Variants in PKMYT1 observed in about 807,000 individuals in gnomAD.
The protein encoded by PKMYT1 is protein kinase, membrane associated tyrosine/threonine 1.
A neutral mutation model predicts 49.7 loss-of-function variants in PKMYT1; 35 were observed. The ratio of observed to expected loss-of-function variants is 0.70; its 90% confidence interval spans 0.54 to 0.93. The LOEUF (loss-of-function observed/expected upper bound fraction) is 0.93, where lower values mean the gene tolerates loss of function less well. PKMYT1 is among the 40% of genes least tolerant of loss of function. The pLI is 0.00. For synonymous variants in PKMYT1, 331 were observed against 287.6 expected (o/e 1.15, Z -1.53); for missense variants, 677 against 673.1 (o/e 1.01, Z -0.06).
chr16:2,975,944 C>G, intron 3 of PKMYT1, 132 bp from the exon 4 acceptor site: 1 of 934,518 alleles, frequency 1.1e-6, no homozygotes, highest in Non-Finnish European at 1.6e-6. Flanking sequence ...GCATCTGTCT[C>G]AGACCCCTGC....
Position 2,973,940 on chromosome 16 carries a change from G to A in PKMYT1, c.1310+60C>T, listed in dbSNP as rs533106872. The A allele has an allele frequency of 1.7e-5, 27 of 1,553,322 alleles. No individual in the cohort carries two copies. In the African/African-American group the frequency reaches 3.2e-4, roughly 19 times the overall value. On this transcript the variant is annotated intron_variant, in intron 7 of 8. Coordinates refer to ENST00000262300, the MANE Select transcript of PKMYT1 (RefSeq NM_004203.5). ...TCCCCATTCACCACGAATCTCCATG[G>A]AGCCCCGGTGATATCCCCCACCTTC... is the stretch of plus-strand genomic sequence containing the variant.
At chr16:2,974,919 CCA>C (rs2072143116) in intron 4 of PKMYT1, 1 of 569,354 alleles carries the variant, frequency 1.8e-6, no homozygotes. Flanking sequence ...TGGACAGGCA[CCA>C]CAGTTACTGC....
intron 2 of PKMYT1, among the ~76,000 whole-genome samples, chr16:2,978,774 T>C (rs1348630399): frequency 1.0e-4 from 15 of 147,854 alleles, no homozygotes; most frequent in Non-Finnish European, 1.5e-5. Context: ...TTAATTGGAT[T>C]GGACCGTGGA....
intron 2 of PKMYT1, among the ~76,000 whole-genome samples, chr16:2,978,545 C>T (rs1041774514): frequency 6.6e-6 from 1 of 151,956 alleles, no homozygotes; most frequent in African/African-American, 2.4e-5. Context: ...GTGAGGAGTT[C>T]GAGTCCAGCC....
chr16:2,979,572 C>G, intron 2 of PKMYT1, 76 bp downstream of exon 2: 3 of 1,247,576 alleles, frequency 2.4e-6, no homozygotes, highest in Non-Finnish European at 3.5e-6. Context: ...CCTCCAGGCC[C>G]AACCCTGGCA....
chr16:2,975,534 A>T lies in PKMYT1; in HGVS notation c.657T>A (p.Leu219=), dbSNP rs1324237110. 6.2e-7 allele frequency: 1 copy of T among 1,612,222 alleles called. No homozygotes were observed. The highest frequency in any genetic ancestry group is 8.5e-7 in the Non-Finnish European group (1 of 1,179,872). ...QVWGYLRDTL[L]ALAHLHSQGL... ...CCTGGCTGTGCAGATGGGCCAGGGCAAGCAGCGTGTCCCGCAGGTAGCCCC... is the reference window on the plus strand; with the variant it reads ...CCTGGCTGTGCAGATGGGCCAGGGCTAGCAGCGTGTCCCGCAGGTAGCCCC... Residue 219 remains leucine (L), a synonymous_variant, in exon 4 of 9, where the codon CTT becomes CTA. Transcript: ENST00000262300.
chr16:2,974,269 C>T lies in PKMYT1; in HGVS notation c.1128G>A (p.Leu376=). Residue 376 remains leucine (L), a synonymous_variant, in exon 6 of 9, where the codon CTG becomes CTA. Transcript: ENST00000262300. ...CCTGCCACAGGGCCCACCCTCGGCT[C>T]AGGGCCTCCGCTGCCATGCACCACA... ...GVLWCMAAEA[L]SRGWALWQAL... The T allele has an allele frequency of 1.3e-6, 2 of 1,572,158 alleles. No homozygotes were observed. The highest frequency in any genetic ancestry group is 1.7e-6 in the Non-Finnish European group (2 of 1,159,382).
chr16:2,977,448 G>A lies in PKMYT1; in HGVS notation c.11-417C>T, dbSNP rs78559956. The A allele has an allele frequency of 6.3e-4, 630 of 1,001,528 alleles. 8 individuals are homozygous for A. In the East Asian group the frequency reaches 0.032, roughly 52 times the overall value. 62.0% of individuals were successfully genotyped at this position (1,001,528 alleles called of 1,614,324 possible). A position where few individuals can be genotyped will look rare whatever the true frequency, so the allele number is the denominator to read the frequency against. ...ATCTCCAATTCCAAAGTGAAAACCC[G>A]GAATCCCTCAAGTGTCTTTCTTTTT... On this transcript the variant is annotated intron_variant, in intron 2 of 8. Transcript: ENST00000262300.
chr16:2,979,177 A>G (rs2151081324), intron 2 of PKMYT1, among the ~76,000 whole-genome samples: 1 of 152,028 alleles, frequency 6.6e-6, no homozygotes, highest in South Asian at 2.1e-4. Flanking sequence ...TCTACTAAAG[A>G]TACAAATTTT....
At chr16:2,979,565 C>G (rs1281932436) in intron 2 of PKMYT1, 83 bp downstream of exon 2, 1 of 1,169,754 alleles carries the variant, frequency 8.5e-7, no homozygotes, top group Non-Finnish European at 1.3e-6. Flanking sequence ...AGCACAGCCT[C>G]CAGGCCCAAC....
At chr16:2,977,313 G>T in intron 2 of PKMYT1, 1 of 1,245,894 alleles carries the variant, frequency 8.0e-7, no homozygotes, top group Non-Finnish European at 1.0e-6. Context: ...TAAGAGCAAG[G>T]CAGTTTGGAG....
At chr16:2,978,783 G>A (rs2151080542) in intron 2 of PKMYT1, among the ~76,000 whole-genome samples, 1 of 150,180 alleles carries the variant, frequency 6.7e-6, no homozygotes, top group Middle Eastern at 3.4e-3. Context: ...TTGGACCGTG[G>A]AACACTTTAT....
At chr16:2,973,879 C>T (rs574305287) in intron 7 of PKMYT1, 121 bp downstream of exon 7, 4 of 1,134,048 alleles carry the variant, frequency 3.5e-6, no homozygotes, top group East Asian at 5.0e-5. Context: ...GGTCCCCTTC[C>T]CCAGGATGTG....
At position 2,974,672 on chromosome 16, in the gene PKMYT1, TG is replaced by T; in HGVS notation, c.873-17del. 1.3e-6 allele frequency: 2 copies of T among 1,528,652 alleles called. No individual in the cohort carries two copies. Among genetic ancestry groups the T allele is most frequent in the Non-Finnish European group, 1.8e-6 (2 of 1,126,310 alleles). The allele number at this position is 1,528,652 out of a possible 1,614,324, so 94.7% of individuals were successfully genotyped here. The stretch of plus-strand genomic sequence containing the variant: ...GAGGCCCAGACTGGCAGGGACGGGA[TG>T]GGGACAGAAAGGGGCAGGGTTGGCC... On this transcript the variant is annotated splice_polypyrimidine_tract_variant and intron_variant, in intron 4 of 8. Coordinates refer to ENST00000262300, the MANE Select transcript of PKMYT1 (RefSeq NM_004203.5).
At position 2,974,651 on chromosome 16, in the gene PKMYT1, C is replaced by T; in HGVS notation, c.878G>A (p.Gly293Asp). ...GCATGCCACTTCCAGGATGGTGAGG[C>T]CCAGACTGGCAGGGACGGGATGGGG... ...YGTAADVFSL[G>D]LTILEVACNM... Residue 293 changes from glycine to aspartate, a missense_variant, in exon 5 of 9, where the codon GGC becomes GAC. By Grantham distance (94) the Gly-to-Asp change is moderately conservative. Transcript: ENST00000262300. 6.4e-7 allele frequency: 1 copy of T among 1,558,404 alleles called. No individual in the cohort carries two copies. The highest frequency in any genetic ancestry group is 8.7e-7 in the Non-Finnish European group (1 of 1,150,164).
chr16:2,978,198 C>T (rs1015448630), intron 2 of PKMYT1, among the ~76,000 whole-genome samples: 7 of 152,168 alleles, frequency 4.6e-5, no homozygotes, highest in African/African-American at 1.7e-4. Flanking sequence ...TCCCCACCCA[C>T]CAACCCCCTG....
intron 7 of PKMYT1, 75 bp from the exon 8 acceptor site, chr16:2,973,290 G>A: frequency 6.7e-7 from 1 of 1,502,496 alleles, no homozygotes. Context: ...CTGTCCCTGT[G>A]CAGGCTCCAG....
intron 4 of PKMYT1, among the ~76,000 whole-genome samples, 189 bp downstream of exon 4, chr16:2,975,130 G>T (rs1425289379): frequency 6.6e-6 from 1 of 152,334 alleles, no homozygotes; most frequent in Non-Finnish European, 1.5e-5. Flanking sequence ...GGCTCTGGAG[G>T]GTTCGAGGCT....
In PKMYT1 at chr16:2,978,810, T is replaced by G. The variant is rs576399714; in HGVS notation, c.10+838A>C. Among the ~76,000 whole-genome samples, 6 of 150,952 alleles carry G rather than the reference T, an allele frequency of 4.0e-5. No homozygotes were observed. The East Asian group carries it at 1.2e-3, about 30-fold the overall frequency. ...ACACTTTATGCCCCAAGGTATTGTT[T>G]GTTTGTTTGTTTTTGAGACAGGGTC... On this transcript the variant is annotated intron_variant, in intron 2 of 8. Transcript: ENST00000262300.
Sources: gnomAD v4.1 joint callset for allele counts (sites outside exome capture counted in the v4.1 genomes callset) on GRCh38, gnomAD v4.1.1 for gene constraint, MANE v1.5 for transcripts, NCBI Gene and HGNC (gene_info 2026-07-23, HGNC 2026-07-21) for gene names.